The following LRRIQ3 variants were observed in gnomAD, a reference collection of about 807,000 sequenced individuals.
The protein encoded by LRRIQ3 is leucine-rich repeat and IQ domain-containing protein 3.
Under a neutral mutation model 59.3 loss-of-function variants are expected in LRRIQ3, and 75 were observed. That is an observed-to-expected ratio of 1.26 (90% confidence interval 1.05 to 1.53). The LOEUF is 1.53. Ranked by LOEUF, LRRIQ3 falls within the 40% of genes most tolerant of loss-of-function variation. The probability of loss-of-function intolerance (pLI) is 0.00; values close to 1 mark genes in which losing one functional copy is unlikely to be tolerated. For missense variants in LRRIQ3, 831 were observed against 710.0 expected (o/e 1.17, Z -1.94); for synonymous variants, 250 against 231.3 (o/e 1.08, Z -0.73).
At chr1:74,028,902 G>A (rs971510654) in intron 7 of LRRIQ3, among the ~76,000 whole-genome samples, 1 of 151,930 alleles carries the variant, frequency 6.6e-6, no homozygotes, top group African/African-American at 2.4e-5. Context: ...GTGTAGCAGA[G>A]TAGAAATCAT....
At chr1:74,034,855 T>G (rs530110684) in intron 7 of LRRIQ3, among the ~76,000 whole-genome samples, 38 of 152,128 alleles carry the variant, frequency 2.5e-4, no homozygotes, top group African/African-American at 7.7e-4. Context: ...CAATGTTGTT[T>G]AAAAATTTAA....
chr1:74,034,635 GACACACACACAC>G (rs10567002), intron 7 of LRRIQ3, among the ~76,000 whole-genome samples: 39 of 146,978 alleles, frequency 2.7e-4, no homozygotes, highest in African/African-American at 8.5e-4. Context: ...AGCACACACA[GACACACACACAC>G]ACACACACAC....
chr1:74,041,333 A>G lies in LRRIQ3; in HGVS notation c.1598T>C (p.Leu533Pro). The G allele has an allele frequency of 6.2e-7, 1 of 1,613,776 alleles. No homozygotes were observed. Among genetic ancestry groups the G allele is most frequent in the East Asian group, 2.2e-5 (1 of 44,828 alleles). The change falls in exon 7 of 8, where the codon CTT becomes CCT. Residue 533 changes from leucine to proline, a missense_variant. Transcript: ENST00000354431. ...NERTLLTRGL[L>P]KIDRLEKNEA... is the part of the protein sequence containing the mutation. Reference sequence around the variant, plus strand: ...ATTCTTCTCCAGTCTGTCAATTTTAAGTAGTCCTCTGGTCAAAAGAGTGCG... The same window carrying G: ...ATTCTTCTCCAGTCTGTCAATTTTAGGTAGTCCTCTGGTCAAAAGAGTGCG...
intron 7 of LRRIQ3, among the ~76,000 whole-genome samples, chr1:74,033,090 G>T (rs1305039089): frequency 6.6e-6 from 1 of 151,996 alleles, no homozygotes; most frequent in East Asian, 1.9e-4. Flanking sequence ...TACTGTTGAA[G>T]ATTTTAAATG....
chr1:74,061,211 A>T (rs1484667618), intron 6 of LRRIQ3, among the ~76,000 whole-genome samples: 16 of 152,174 alleles, frequency 1.1e-4, no homozygotes, highest in Admixed American at 1.0e-3. Flanking sequence ...AATACCTAGG[A>T]ATACAGCTAA....
chr1:74,095,833 G>T (rs1487862288), intron 5 of LRRIQ3, among the ~76,000 whole-genome samples: 2 of 151,944 alleles, frequency 1.3e-5, no homozygotes, highest in Non-Finnish European at 2.9e-5. Flanking sequence ...TATTTAAAAA[G>T]AAATGATAAA....
At chr1:74,127,696 T>C (rs1424396307) in intron 4 of LRRIQ3, among the ~76,000 whole-genome samples, 1 of 151,940 alleles carries the variant, frequency 6.6e-6, no homozygotes, top group Admixed American at 6.6e-5. Flanking sequence ...GTTGTTGTAG[T>C]TATTATTTTT....
intron 1 of LRRIQ3, among the ~76,000 whole-genome samples, chr1:74,197,459 T>C (rs906061526): frequency 2.0e-5 from 3 of 152,222 alleles, no homozygotes; most frequent in Non-Finnish European, 4.4e-5. Context: ...CCTCGTGTTC[T>C]ATAACAGGAA....
At chr1:74,165,799 T>G (rs188116391) in intron 3 of LRRIQ3, among the ~76,000 whole-genome samples, 1 of 151,600 alleles carries the variant, frequency 6.6e-6, no homozygotes, top group Admixed American at 6.6e-5. Context: ...GATGTTGAAA[T>G]TTGTCAAATT....
chr1:74,113,029 T>C (rs1646724060), intron 4 of LRRIQ3, among the ~76,000 whole-genome samples: 1 of 151,888 alleles, frequency 6.6e-6, no homozygotes, highest in Admixed American at 6.6e-5. Flanking sequence ...GTTATAAATA[T>C]GTTGAAAGAA....
At chr1:74,189,499 A>G (rs919234664) in intron 1 of LRRIQ3, among the ~76,000 whole-genome samples, 8 of 152,146 alleles carry the variant, frequency 5.3e-5, no homozygotes, top group Non-Finnish European at 1.2e-4. Flanking sequence ...AATTTTTATG[A>G]GGACGAAATA....
chr1:74,186,194 C>A (rs1313025107), intron 1 of LRRIQ3, among the ~76,000 whole-genome samples: 1 of 151,746 alleles, frequency 6.6e-6, no homozygotes, highest in East Asian at 1.9e-4. Context: ...TTCTTCCTGG[C>A]ATTTATTTTC....
intron 6 of LRRIQ3, among the ~76,000 whole-genome samples, chr1:74,056,299 T>C (rs890715191): frequency 4.6e-5 from 7 of 152,062 alleles, no homozygotes; most frequent in African/African-American, 1.2e-4. Context: ...GCTTTTTCTG[T>C]AAGATCTGGA....
intron 5 of LRRIQ3, among the ~76,000 whole-genome samples, chr1:74,091,425 G>A (rs1354733106): frequency 6.6e-6 from 1 of 151,998 alleles, no homozygotes; most frequent in Non-Finnish European, 1.5e-5. Context: ...CATGAACAAA[G>A]ACTATAGAGT....
At chr1:74,109,622 G>C in intron 4 of LRRIQ3, 69 bp from the exon 5 acceptor site, 3 of 1,262,566 alleles carry the variant, frequency 2.4e-6, no homozygotes, top group Non-Finnish European at 3.3e-6. Context: ...AATTAGTCAT[G>C]AGTTCACTTA....
chr1:74,046,023 C>A (rs1350550599), intron 6 of LRRIQ3, among the ~76,000 whole-genome samples: 2 of 152,112 alleles, frequency 1.3e-5, no homozygotes, highest in African/African-American at 4.8e-5. Context: ...ATTAAAATGG[C>A]CACACTGCCC....
intron 5 of LRRIQ3, among the ~76,000 whole-genome samples, chr1:74,091,080 T>C (rs769807108): frequency 6.6e-6 from 1 of 152,092 alleles, no homozygotes; most frequent in Non-Finnish European, 1.5e-5. Context: ...GGAATAACTT[T>C]GGTGGCTCAA....
intron 4 of LRRIQ3, among the ~76,000 whole-genome samples, chr1:74,124,035 C>T (rs546870818): frequency 1.3e-5 from 2 of 151,902 alleles, no homozygotes; most frequent in South Asian, 2.1e-4. Flanking sequence ...TTTGTTTTTG[C>T]CTGTCTCTGA....
chr1:74,165,502 T>C (rs1280121969), intron 3 of LRRIQ3, among the ~76,000 whole-genome samples: 5 of 151,554 alleles, frequency 3.3e-5, no homozygotes. Flanking sequence ...TTCTTGAGGA[T>C]TTTTTACATA....
Sources: allele counts gnomAD v4.1 joint callset (sites outside exome capture counted in the v4.1 genomes callset), GRCh38; gene constraint gnomAD v4.1.1; transcripts MANE v1.5; gene names NCBI Gene and HGNC (gene_info 2026-07-23, HGNC 2026-07-21).